The following BTD variants were observed in gnomAD, a reference collection of about 807,000 sequenced individuals.
BTD encodes biotinidase, also known as biocytinase.
BTD carries 13 observed loss-of-function variants against 17.7 expected under a neutral mutation model. The observed-to-expected ratio is 0.74, with a 90% CI of 0.48 to 1.17. BTD has a LOEUF of 1.17. BTD is among the 50% of genes most tolerant of loss of function. The pLI, the probability that BTD is intolerant of heterozygous loss-of-function variation, is 0.00. For synonymous variants in BTD, 240 were observed against 245.2 expected, an observed-to-expected ratio of 0.98 and a Z score of 0.20; for missense variants, 674 against 650.4, an observed-to-expected ratio of 1.04 and a Z score of -0.39.
chr3:15,677,088 T>C lies in BTD; in HGVS notation c.400-32972T>C. On this transcript the variant is annotated intron_variant, in intron 3 of 3. Transcript: ENST00000672141. ...TTGTGGCAGATAAGTTATAAAAACT[T>C]GAGCACCATTAAAGATACATTTATA... The C allele has an allele frequency of 1.9e-6, 3 of 1,560,634 alleles. No homozygotes were observed. In the South Asian group the frequency reaches 3.3e-5, roughly 17 times the overall value.
chr3:15,633,108 A>C (rs2065254368), intron 1 of BTD, among the ~76,000 whole-genome samples: 1 of 152,180 alleles, frequency 6.6e-6, no homozygotes. Context: ...TACACTACCT[A>C]ATACAAACTA....
At chr3:15,620,393 T>C (rs2064915434) in intron 1 of BTD, among the ~76,000 whole-genome samples, 1 of 152,228 alleles carries the variant, frequency 6.6e-6, no homozygotes, top group African/African-American at 2.4e-5. Context: ...AATTTAGCGA[T>C]ATGTTTCCTA....
At chr3:15,628,272 T>A (rs1170974911) in intron 1 of BTD, among the ~76,000 whole-genome samples, 1 of 152,250 alleles carries the variant, frequency 6.6e-6, no homozygotes, top group African/African-American at 2.4e-5. Flanking sequence ...GTATCCATCA[T>A]ACAGTTATGT....
chr3:15,612,694 T>C (rs1435265695), intron 1 of BTD, among the ~76,000 whole-genome samples: 1 of 152,146 alleles, frequency 6.6e-6, no homozygotes, highest in South Asian at 2.1e-4. Context: ...TTAATTTTTT[T>C]TTTTTTTGCT....
intron 3 of BTD, chr3:15,670,206 T>C: frequency 3.3e-6 from 5 of 1,532,724 alleles, no homozygotes; most frequent in Non-Finnish European, 4.4e-6. Flanking sequence ...AATATCAAAG[T>C]GCCTTTTTCC....
At chr3:15,705,958 A>C (rs1385736663) in intron 3 of BTD, among the ~76,000 whole-genome samples, 1 of 152,152 alleles carries the variant, frequency 6.6e-6, no homozygotes, top group Admixed American at 6.5e-5. Flanking sequence ...CTGAGACTGC[A>C]GCACTGCACT....
rs1338083833 is a variant in BTD at position 15,646,858 on chromosome 3, A to G, written c.*1370A>G. On this transcript the variant is annotated 3_prime_UTR_variant, in exon 4 of 4. Coordinates refer to ENST00000643237, the MANE Select transcript of BTD (RefSeq NM_001370658.1). ...GCCTCCAGATCCTTTTCTGGCTTTTAGGCAGGACAATTAACAATGTGGATT... is the reference window on the plus strand; with the variant it reads ...GCCTCCAGATCCTTTTCTGGCTTTTGGGCAGGACAATTAACAATGTGGATT... 1 of 152,214 alleles carries G rather than the reference A, an allele frequency of 6.6e-6. No homozygotes were observed. Among genetic ancestry groups the G allele is most frequent in the Non-Finnish European group, 1.5e-5 (1 of 68,038 alleles). The allele number at this position is 152,214 out of a possible 1,614,324, so 9.4% of individuals were successfully genotyped here.
In BTD at chr3:15,645,853, T is replaced by TA. The variant is rs1168502793; in HGVS notation, c.*366dup. 1 of 187,828 alleles carries TA rather than the reference T, an allele frequency of 5.3e-6. No homozygotes were observed. The highest frequency in any genetic ancestry group is 2.4e-5 in the African/African-American group (1 of 40,902). 11.6% of individuals were successfully genotyped at this position (187,828 alleles called of 1,614,324 possible). ...GGCTTGGGGTTTTTTTTTTTTTTTTTATCTTGTTGATCAAGTGACACCCAG... is the reference window on the plus strand; with the variant it reads ...GGCTTGGGGTTTTTTTTTTTTTTTTTAATCTTGTTGATCAAGTGACACCCAG... On this transcript the variant is annotated 3_prime_UTR_variant, in exon 4 of 4. Coordinates refer to ENST00000643237, the MANE Select transcript of BTD (RefSeq NM_001370658.1).
At chr3:15,686,856 T>C (rs1317238680) in intron 3 of BTD, among the ~76,000 whole-genome samples, 1 of 152,018 alleles carries the variant, frequency 6.6e-6, no homozygotes, top group Non-Finnish European at 1.5e-5. Flanking sequence ...ACAACATGAA[T>C]GCAAATGTAA....
chr3:15,603,743 G>A (rs374668181), intron 1 of BTD, among the ~76,000 whole-genome samples: 3 of 152,206 alleles, frequency 2.0e-5, no homozygotes, highest in Admixed American at 6.5e-5. Context: ...CGGGAGTGAG[G>A]TAAATATACC....
At chr3:15,697,590 AG>A (rs750376599) in intron 3 of BTD, among the ~76,000 whole-genome samples, 3 of 152,172 alleles carry the variant, frequency 2.0e-5, no homozygotes, top group Admixed American at 6.5e-5. Flanking sequence ...CTTGCATCCC[AG>A]GGATGAAGCC....
rs2065628904 is a variant in BTD at position 15,644,344 on chromosome 3, T to C, written c.428T>C (p.Ile143Thr). Residue 143 changes from isoleucine (I) to threonine (T), a missense_variant, in exon 4 of 4, where the codon ATC becomes ACC. By Grantham distance (89) the Ile-to-Thr change is moderately conservative (BLOSUM62 -1). Transcript: ENST00000643237. The stretch of plus-strand genomic sequence containing the variant: ...CTCCAGCGCCTGAGTTGTATGGCCA[T>C]CAGGGGAGATATGTTCTTGGTGGCC... ...EVLQRLSCMA[I>T]RGDMFLVANL... 1 of 1,613,824 alleles carries C rather than the reference T, an allele frequency of 6.2e-7. No individual in the cohort carries two copies. Among genetic ancestry groups the C allele is most frequent in the East Asian group, 2.2e-5 (1 of 44,882 alleles).
chr3:15,639,966 T>C (rs1368254895), intron 2 of BTD, among the ~76,000 whole-genome samples: 1 of 152,054 alleles, frequency 6.6e-6, no homozygotes. Context: ...TAGCCAGGTG[T>C]GGTGGCGCAT....
Position 15,645,413 on chromosome 3 carries a change from T to C in BTD, c.1497T>C (p.Tyr499=). The C allele has an allele frequency of 6.2e-7, 1 of 1,614,140 alleles. No individual in the cohort carries two copies. The highest frequency in any genetic ancestry group is 8.5e-7 in the Non-Finnish European group (1 of 1,180,028). ...AGCTTGGCTGGGAGAATGACCACTATTTCCTGAGGAAAAGTAGGCTGTCCT... is the reference window on the plus strand; with the variant it reads ...AGCTTGGCTGGGAGAATGACCACTACTTCCTGAGGAAAAGTAGGCTGTCCT... ...PDQLGWENDH[Y]FLRKSRLSSG... The change falls in exon 4 of 4, where the codon TAT becomes TAC. Residue 499 remains tyrosine (Y), a synonymous_variant. Transcript: ENST00000643237.
chr3:15,661,526 G>T (rs912104846), intron 3 of BTD, among the ~76,000 whole-genome samples: 2 of 152,078 alleles, frequency 1.3e-5, no homozygotes, highest in Non-Finnish European at 2.9e-5. Flanking sequence ...TGAGTTTTAA[G>T]GGTTCTTTGT....
intron 1 of BTD, among the ~76,000 whole-genome samples, chr3:15,623,862 G>T (rs192558981): frequency 3.3e-5 from 5 of 152,258 alleles, no homozygotes; most frequent in Admixed American, 3.3e-4. Context: ...GTTTCCTGAG[G>T]CTTCCCAGCC....
chr3:15,658,161 T>A (rs2065889746), downstream of BTD, among the ~76,000 whole-genome samples: 1 of 133,714 alleles, frequency 7.5e-6, no homozygotes. Context: ...AGAGTGAGAC[T>A]CCATCTAAAA....
chr3:15,713,182 T>C (rs548961075), downstream of BTD, among the ~76,000 whole-genome samples: 156 of 152,218 alleles, frequency 1.0e-3, no homozygotes, highest in African/African-American at 3.4e-3. Context: ...CAGATAGTAT[T>C]TGGATTAAAA....
intron 3 of BTD, among the ~76,000 whole-genome samples, chr3:15,664,110 C>G (rs1025293660): frequency 1.3e-5 from 2 of 152,152 alleles, no homozygotes; most frequent in Non-Finnish European, 2.9e-5. Flanking sequence ...CCATGTTGGC[C>G]AGGCTGGTCT....
Sources: allele counts gnomAD v4.1 joint callset (sites outside exome capture counted in the v4.1 genomes callset), GRCh38; gene constraint gnomAD v4.1.1; transcripts MANE v1.5; gene names NCBI Gene and HGNC (gene_info 2026-07-23, HGNC 2026-07-21).